The following ZNF558 variants were observed in gnomAD, a reference collection of about 807,000 sequenced individuals.
ZNF558 encodes the protein zinc finger protein 558.
A neutral mutation model predicts 37.6 loss-of-function variants in ZNF558; 23 were observed. The observed-to-expected ratio is 0.61, with a 90% CI of 0.44 to 0.87. The LOEUF is 0.87. Ranked by LOEUF, ZNF558 falls within the 40% of genes least tolerant of loss-of-function variation. The pLI, the probability that ZNF558 is intolerant of heterozygous loss-of-function variation, is 0.00. For synonymous variants in ZNF558, 189 were observed against 174.4 expected (o/e 1.08, Z -0.66); for missense variants, 429 against 483.7 (o/e 0.89, Z 1.06).
At chr19:8,833,803 C>T (rs1469254380), upstream of ZNF558, among the ~76,000 whole-genome samples, 1 of 152,136 alleles carries the variant, frequency 6.6e-6, no homozygotes. Flanking sequence ...AGCCTGCCAA[C>T]ATGGTGAAAC....
upstream of ZNF558, among the ~76,000 whole-genome samples, chr19:8,836,470 C>G (rs77786966): frequency 1.2e-4 from 18 of 150,402 alleles, no homozygotes; most frequent in East Asian, 3.5e-3. Context: ...CTCCTCCCCC[C>G]CTCTCCTCCT....
At chr19:8,828,856 G>A (rs1429007984) in intron 2 of ZNF558, among the ~76,000 whole-genome samples, 2 of 151,984 alleles carry the variant, frequency 1.3e-5, no homozygotes, top group African/African-American at 2.4e-5. Flanking sequence ...CTAGGGACTG[G>A]GGAGGCTGAG....
chr19:8,822,051 G>A lies in ZNF558; in HGVS notation c.72C>T (p.His24=). ...CATTAACCAGCTCTCCGCCCTGTGT[G>A]TGTCCTTTTTGCTGAGAGGCTGGGA... ...SLFPASQQKG[H]TQGGELVNEL... Residue 24 remains histidine, a synonymous_variant, in exon 6 of 10, where the codon CAC becomes CAT. Coordinates refer to ENST00000601372, the MANE Select transcript of ZNF558 (RefSeq NM_144693.3). The surrounding 1 kb of genome is among the most constrained non-coding windows in gnomAD (Gnocchi z 4.4). The A allele has an allele frequency of 1.9e-6, 3 of 1,614,094 alleles. No homozygotes were observed. In the South Asian group the frequency reaches 3.3e-5, roughly 18 times the overall value.
intron 7 of ZNF558, 39 bp from the exon 8 acceptor site, chr19:8,813,261 G>C: frequency 2.7e-6 from 4 of 1,504,292 alleles, no homozygotes; most frequent in Non-Finnish European, 3.6e-6. Context: ...AGGTAACAGT[G>C]CTGGGGACAA....
At chr19:8,816,142 C>G (rs2043933449) in intron 7 of ZNF558, among the ~76,000 whole-genome samples, 2 of 152,218 alleles carry the variant, frequency 1.3e-5, no homozygotes, top group Admixed American at 6.5e-5. Flanking sequence ...TCATGGCTCA[C>G]TGCAGCCTTA....
At position 8,811,979 on chromosome 19, in the gene ZNF558, T is replaced by C. The variant is rs1555768345; in HGVS notation, c.511A>G (p.Lys171Glu). The C allele has an allele frequency of 6.2e-7, 1 of 1,614,048 alleles. No individual in the cohort carries two copies. The highest frequency in any genetic ancestry group is 1.7e-5 in the Admixed American group (1 of 60,004). The change falls in exon 10 of 10, where the codon AAG (lysine) becomes GAG (glutamate). Residue 171 changes from lysine to glutamate, a missense_variant. Physicochemically the swap from Lys to Glu is moderately conservative, Grantham distance 56. Coordinates refer to ENST00000601372, the MANE Select transcript of ZNF558 (RefSeq NM_144693.3). ...GGTTTTTCTCCAGTATGAATTCTCT[T>C]GTGCTGAGTTAGGTTAGATTTCGTG... ...FSTKSNLTQH[K>E]RIHTGEKPYD...
At chr19:8,819,041 G>A (rs2145231108) in intron 7 of ZNF558, among the ~76,000 whole-genome samples, 1 of 152,294 alleles carries the variant, frequency 6.6e-6, no homozygotes. Flanking sequence ...ACAGCTGAGT[G>A]GAATTGTTAA....
At chr19:8,818,592 A>C (rs1458456024) in intron 7 of ZNF558, among the ~76,000 whole-genome samples, 1 of 152,238 alleles carries the variant, frequency 6.6e-6, no homozygotes, top group Non-Finnish European at 1.5e-5. Context: ...ACTGATCTGA[A>C]AATTCATGGC....
At chr19:8,827,571 C>CTTTTTTTTTTTTTTTTTTTTTTTTTTT in intron 2 of ZNF558, among the ~76,000 whole-genome samples, 1 of 94,080 alleles carries the variant, frequency 1.1e-5, no homozygotes, top group Non-Finnish European at 2.1e-5. Flanking sequence ...TTTCCCTATT[C>CTTTTTTTTTTTTTTTTTTTTTTTTTTT]TTTTTTTTTT....
rs2044129764 is a variant in ZNF558 at position 8,822,869 on chromosome 19, C to G, written c.-65-145G>C. 1 of 726,668 alleles carries G rather than the reference C, an allele frequency of 1.4e-6. No homozygotes were observed. Among genetic ancestry groups the G allele is most frequent in the South Asian group, 1.8e-5 (1 of 56,152 alleles). The allele number at this position is 726,668 out of a possible 1,614,324, so 45.0% of individuals were successfully genotyped here. A position where few individuals can be genotyped will look rare whatever the true frequency, so the allele number is the denominator to read the frequency against. ...CTGGGCCTTTATTTTGCTGAGCAGG[C>G]AATGAATTCAGGGCCACCTGATGGA... is the stretch of plus-strand genomic sequence containing the variant. On this transcript the variant is annotated intron_variant, in intron 4 of 9. Coordinates refer to ENST00000601372, the MANE Select transcript of ZNF558 (RefSeq NM_144693.3). The surrounding 1 kb of genome is among the most constrained non-coding windows in gnomAD (Gnocchi z 4.4).
chr19:8,826,534 A>G (rs987954996), intron 2 of ZNF558, among the ~76,000 whole-genome samples: 2 of 152,004 alleles, frequency 1.3e-5, no homozygotes, highest in Admixed American at 1.3e-4. Context: ...TTGGGCTCCT[A>G]TGAGAATCGA....
At chr19:8,836,688 C>T (rs940634683), upstream of ZNF558, among the ~76,000 whole-genome samples, 2 of 152,072 alleles carry the variant, frequency 1.3e-5, no homozygotes, top group Non-Finnish European at 2.9e-5. Context: ...GACAGGGACT[C>T]GCCACACCAC....
At chr19:8,835,675 A>G (rs1172707423), upstream of ZNF558, among the ~76,000 whole-genome samples, 1 of 126,452 alleles carries the variant, frequency 7.9e-6, no homozygotes, top group Non-Finnish European at 1.8e-5. Context: ...TATTTCCAGT[A>G]TATGCCCAAG....
chr19:8,819,137 G>A (rs902664293), intron 7 of ZNF558, among the ~76,000 whole-genome samples: 11 of 152,116 alleles, frequency 7.2e-5, no homozygotes, highest in Non-Finnish European at 1.5e-4. Context: ...CACACCAAGA[G>A]CACAAGCAAA....
Position 8,821,318 on chromosome 19 carries a change from C to T in ZNF558, c.121-12G>A. 2 of 1,614,200 alleles carry T rather than the reference C, an allele frequency of 1.2e-6. No homozygotes were observed. Among genetic ancestry groups the T allele is most frequent in the Non-Finnish European group, 1.7e-6 (2 of 1,180,044 alleles). ...AAGGTTACCAAGCCCTAAAGCATTGCAAACATCACGGCTTAGCCAAGGACC... is the reference window on the plus strand; with the variant it reads ...AAGGTTACCAAGCCCTAAAGCATTGTAAACATCACGGCTTAGCCAAGGACC... On this transcript the variant is annotated splice_polypyrimidine_tract_variant and intron_variant, in intron 6 of 9. Transcript: ENST00000601372.
Position 8,811,210 on chromosome 19 carries a change from G to C in ZNF558, c.*71C>G. ...GCAACAAATAACTTATATATCCAGT[G>C]TGAGCTCTCTCAAACTATCTTAGGG... On this transcript the variant is annotated 3_prime_UTR_variant, in exon 10 of 10. Coordinates refer to ENST00000601372, the MANE Select transcript of ZNF558 (RefSeq NM_144693.3). 6.9e-7 allele frequency: 1 copy of C among 1,444,416 alleles called. No homozygotes were observed. The highest frequency in any genetic ancestry group is 1.4e-5 in the African/African-American group (1 of 70,294). The allele number at this position is 1,444,416 out of a possible 1,614,324, so 89.5% of individuals were successfully genotyped here.
rs1475263992 is a variant in ZNF558, at chr19:8,811,641, A to G, written c.849T>C (p.Asn283=). The change falls in exon 10 of 10, where the codon AAT becomes AAC. Residue 283 remains asparagine, a synonymous_variant. Coordinates refer to ENST00000601372, the MANE Select transcript of ZNF558 (RefSeq NM_144693.3). The part of the protein sequence containing the change: ...FSTRSSLTGH[N]SIHTGEKPYE... ...AAGGTTTCTCCCCTGTATGAATGCT[A>G]TTGTGCCCAGTGAGAGAGGACCTTG... is the stretch of plus-strand genomic sequence containing the variant. 3.7e-6 allele frequency: 6 copies of G among 1,613,976 alleles called. No homozygotes were observed. The African/African-American group carries it at 4.0e-5, about 11-fold the overall frequency.
chr19:8,837,343 C>T, the ZNF558 span, among the ~76,000 whole-genome samples: 3 of 152,020 alleles, frequency 2.0e-5, no homozygotes, highest in Admixed American at 6.6e-5. Flanking sequence ...CTGGTGTAGC[C>T]GTATGAAATG....
chr19:8,812,244 T>A lies in ZNF558; in HGVS notation c.427-181A>T, dbSNP rs146316555. Among the ~76,000 whole-genome samples, 996 of 152,310 alleles carry A rather than the reference T, an allele frequency of 6.5e-3. 6 individuals carry two copies. Among genetic ancestry groups the A allele is most frequent in the Admixed American group, 0.012 (180 of 15,294 alleles). On this transcript the variant is annotated intron_variant, in intron 9 of 9. Transcript: ENST00000601372. ...CTCTAAGAAAGTTAAAAAACATAGA[T>A]GCTTTGCCACAAGTCCTTATCAGAT... is the stretch of plus-strand genomic sequence containing the variant.
Sources: gnomAD v4.1 joint callset for allele counts (sites outside exome capture counted in the v4.1 genomes callset) on GRCh38, gnomAD v4.1.1 for gene constraint, Gnocchi (gnomAD v3.1) non-coding constraint, MANE v1.5 for transcripts, NCBI Gene and HGNC (gene_info 2026-07-23, HGNC 2026-07-21) for gene names.